The following SYNC variants were observed in gnomAD, a reference collection of about 807,000 sequenced individuals.
SYNC encodes the protein syncoilin.
Under a neutral mutation model 49.5 loss-of-function variants are expected in SYNC, and 38 were observed. The ratio of observed to expected loss-of-function variants is 0.77; its 90% CI spans 0.59 to 1.01. SYNC has a LOEUF of 1.01. SYNC is among the 50% of genes least tolerant of loss of function. The pLI is 0.00. For synonymous variants in SYNC, 201 were observed against 230.8 expected (o/e 0.87, Z 1.17); for missense variants, 579 against 580.6 (o/e 1.00, Z 0.03).
intron 1 of SYNC, among the ~76,000 whole-genome samples, chr1:32,701,234 T>G (rs1211678258): frequency 1.3e-5 from 2 of 152,082 alleles, no homozygotes; most frequent in African/African-American, 4.8e-5. Flanking sequence ...CTTCTATCTA[T>G]CTAACAAATT....
chr1:32,695,077 C>T lies in SYNC; in HGVS notation c.1021G>A (p.Glu341Lys). The change falls in exon 2 of 5, where the codon GAG (glutamate) becomes AAG (lysine). Residue 341 changes from glutamate (E) to lysine (K), a missense_variant. Transcript: ENST00000409190. ...LMAESRQDLE[E>K]EYEPQFLRLL... ...CGCAGGAACTGAGGCTCATACTCCT[C>T]CTCCAGGTCCTGGCGGCTCTCTGCC... 1.9e-6 allele frequency: 3 copies of T among 1,613,504 alleles called. No individual in the cohort carries two copies. Among genetic ancestry groups the T allele is most frequent in the African/African-American group, 1.3e-5 (1 of 74,998 alleles).
chr1:32,684,381 T>A lies in SYNC; in HGVS notation c.1235A>T (p.Glu412Val). ...GCGTTCTTCCATTTCCTCCAGCTGT[T>A]CCTGCATGAGATGGCCAAGAACATT... ...KRDEEVQQYR[E>V]QLEEMEERQR... Residue 412 changes from glutamate to valine, a missense_variant and splice_region_variant, in exon 3 of 5, where the codon GAA (glutamate) becomes GTA (valine). Transcript: ENST00000409190. 1 of 1,614,202 alleles carries A rather than the reference T, an allele frequency of 6.2e-7. No individual in the cohort carries two copies. The highest frequency in any genetic ancestry group is 8.5e-7 in the Non-Finnish European group (1 of 1,180,042).
chr1:32,701,589 C>T (rs951133396), intron 1 of SYNC, among the ~76,000 whole-genome samples: 2 of 152,228 alleles, frequency 1.3e-5, no homozygotes, highest in African/African-American at 2.4e-5. Flanking sequence ...GTGCTGCCTC[C>T]ACCACCCCAC....
chr1:32,701,581 G>A (rs1650671189), intron 1 of SYNC, among the ~76,000 whole-genome samples: 1 of 152,206 alleles, frequency 6.6e-6, no homozygotes, highest in Admixed American at 6.5e-5. Context: ...CACACATCGT[G>A]CTGCCTCCAC....
chr1:32,695,840 C>T lies in SYNC; in HGVS notation c.258G>A (p.Glu86=). 1.3e-6 allele frequency: 2 copies of T among 1,551,976 alleles called. No individual in the cohort carries two copies. Among genetic ancestry groups the T allele is most frequent in the Non-Finnish European group, 1.7e-6 (2 of 1,147,060 alleles). ...GAGCCTCATCTGGCTGCATGGCCTC[C>T]TCAATATACAGGGCCTCCTCTGCCT... ...TEKAEEALYI[E]EAMQPDEALH... The change falls in exon 2 of 5, where the codon GAG becomes GAA. Residue 86 remains glutamate (E), a synonymous_variant. Transcript: ENST00000409190.
At chr1:32,693,384 CAG>C (rs767326875) in intron 2 of SYNC, among the ~76,000 whole-genome samples, 11 of 152,284 alleles carry the variant, frequency 7.2e-5, no homozygotes, top group Non-Finnish European at 8.8e-5. Flanking sequence ...CGCTCCCAGA[CAG>C]AGTGTTTTCA....
intron 2 of SYNC, among the ~76,000 whole-genome samples, chr1:32,690,336 C>A (rs897042309): frequency 2.0e-5 from 3 of 152,174 alleles, no homozygotes; most frequent in African/African-American, 7.2e-5. Context: ...TCTAATTATT[C>A]TCCATTGCTC....
chr1:32,691,435 C>T (rs1056651244), intron 2 of SYNC, among the ~76,000 whole-genome samples: 9 of 151,774 alleles, frequency 5.9e-5, no homozygotes, highest in African/African-American at 1.9e-4. Flanking sequence ...CGCCTGTAAT[C>T]CCAGCTACTT....
At chr1:32,700,266 C>A (rs1650614178) in intron 1 of SYNC, among the ~76,000 whole-genome samples, 1 of 152,252 alleles carries the variant, frequency 6.6e-6, no homozygotes, top group South Asian at 2.1e-4. Flanking sequence ...CAAACTCACT[C>A]TGATATTCAA....
chr1:32,692,094 C>T (rs360029), intron 2 of SYNC, among the ~76,000 whole-genome samples: 126,028 of 152,034 alleles, frequency 0.83, 54,719 homozygotes, highest in Non-Finnish European at 0.96. Context: ...TAGCCTGGTG[C>T]GGTGGCGGGC....
rs1445729098 is a variant in SYNC at position 32,692,603 on chromosome 1, G to A, written c.1233+2262C>T. On this transcript the variant is annotated intron_variant, in intron 2 of 4. Transcript: ENST00000409190. Reference sequence around the variant, plus strand: ...CTCTACTAAAATACCCAAATTAGCTGGGCATGGTGGCACAGGTCTGCAATC... The same window carrying A: ...CTCTACTAAAATACCCAAATTAGCTAGGCATGGTGGCACAGGTCTGCAATC... 2.0e-5 allele frequency among the ~76,000 whole-genome samples: 3 copies of A among 151,480 alleles called. No homozygotes were observed. In the East Asian group the frequency reaches 5.9e-4, roughly 30 times the overall value.
chr1:32,687,833 A>AATTATTATTATTATTATTATTATTATT (rs148661520), intron 2 of SYNC, among the ~76,000 whole-genome samples: 49 of 38,234 alleles, frequency 1.3e-3, no homozygotes, highest in Admixed American at 3.8e-3. Context: ...CTGCCCAGTG[A>AATTATTATTATTATTATTATTATTATT]ATTATTATTA....
rs771243634 is a variant in SYNC, at chr1:32,684,081, A to G, written c.1367T>C (p.Leu456Pro). 1.7e-5 allele frequency: 27 copies of G among 1,612,268 alleles called. No individual in the cohort carries two copies. Among genetic ancestry groups the G allele is most frequent in the Non-Finnish European group, 2.2e-5 (26 of 1,179,996 alleles). The change falls in exon 4 of 5, where the codon CTA becomes CCA. Residue 456 changes from leucine to proline, a missense_variant. Leu to Pro is a moderately conservative substitution (Grantham distance 98). Transcript: ENST00000409190. ...AEELSTYKAMLLPKSLEQADA... is the reference protein window; with the variant it reads ...AEELSTYKAMPLPKSLEQADA... ...AGCCTGTTCCAGGCTCTTGGGTAGT[A>G]GCATAGCCCTTTAAAAAGAGAGAGC... is the stretch of plus-strand genomic sequence containing the variant.
intron 1 of SYNC, among the ~76,000 whole-genome samples, chr1:32,701,146 C>G (rs1011448691): frequency 6.6e-6 from 1 of 152,134 alleles, no homozygotes; most frequent in African/African-American, 2.4e-5. Context: ...AACTCCTGAC[C>G]TCAGGTGATC....
At chr1:32,696,178 T>C in intron 1 of SYNC, 134 bp from the exon 2 acceptor site, 1 of 692,960 alleles carries the variant, frequency 1.4e-6, no homozygotes, top group Admixed American at 2.9e-5. Context: ...CCCTCCACTC[T>C]GTCAATCCAC....
rs753401115 is a variant in SYNC at position 32,684,039 on chromosome 1, T to C, written c.1409A>G (p.Gln470Arg). ...SLEQADAPTS[Q>R]AGGMETQSQG... is the part of the protein sequence containing the mutation. ...AGACTGTGTCTCCATTCCACCTGCC[T>C]GAGAAGTGGGAGCATCAGCCTGTTC... Residue 470 changes from glutamine (Q) to arginine (R), a missense_variant, in exon 4 of 5, where the codon CAG becomes CGG. Physicochemically the swap from Gln to Arg is conservative, Grantham distance 43. Transcript: ENST00000409190. 2 of 1,614,218 alleles carry C rather than the reference T, an allele frequency of 1.2e-6. No individual in the cohort carries two copies. Among genetic ancestry groups the C allele is most frequent in the East Asian group, 4.5e-5 (2 of 44,896 alleles).
intron 2 of SYNC, among the ~76,000 whole-genome samples, chr1:32,694,259 T>A (rs188995781): frequency 6.6e-6 from 1 of 152,132 alleles, no homozygotes; most frequent in Admixed American, 6.6e-5. Context: ...CTCAAGAGGC[T>A]GAGGTGGGAG....
chr1:32,695,639 C>T lies in SYNC; in HGVS notation c.459G>A (p.Glu153=). The T allele has an allele frequency of 2.6e-6, 4 of 1,551,672 alleles. No individual in the cohort carries two copies. Among genetic ancestry groups the T allele is most frequent in the Non-Finnish European group, 3.5e-6 (4 of 1,147,022 alleles). The change falls in exon 2 of 5, where the codon GAG becomes GAA. Residue 153 remains glutamate, a synonymous_variant. Transcript: ENST00000409190. The part of the protein sequence containing the change: ...VTRAEKSNPE[E]SLRAEQSPSM... ...TGGGGCTCTGCTCGGCTCTGAGGCTCTCCTCAGGGTTAGATTTCTCCGCCC... is the reference window on the plus strand; with the variant it reads ...TGGGGCTCTGCTCGGCTCTGAGGCTTTCCTCAGGGTTAGATTTCTCCGCCC...
chr1:32,689,482 A>G (rs1650054804), intron 2 of SYNC, among the ~76,000 whole-genome samples: 1 of 151,492 alleles, frequency 6.6e-6, no homozygotes, highest in South Asian at 2.1e-4. Context: ...CTTGTGATCC[A>G]CTGCGCCCGG....
Sources: gnomAD v4.1 joint callset for allele counts (sites outside exome capture counted in the v4.1 genomes callset) on GRCh38, gnomAD v4.1.1 for gene constraint, MANE v1.5 for transcripts, NCBI Gene and HGNC (gene_info 2026-07-23, HGNC 2026-07-21) for gene names.